Variants in IQCM observed in about 807,000 individuals in gnomAD.
IQCM encodes IQ motif containing M, also known as IQ domain-containing protein M.
IQCM carries 45 observed loss-of-function variants against 57.6 expected under a neutral mutation model. That is an observed-to-expected ratio of 0.78 (90% confidence interval 0.62 to 1.00). The LOEUF (loss-of-function observed/expected upper bound fraction) is 1.00, where lower values mean the gene tolerates loss of function less well. IQCM is among the 50% of genes least tolerant of loss of function. The pLI is 0.00. For missense variants in IQCM, 468 were observed against 511.6 expected (o/e 0.91, Z 0.82); for synonymous variants, 148 against 158.9 (o/e 0.93, Z 0.51).
At position 149,351,875 on chromosome 4, in the gene IQCM, T is replaced by C. The variant is rs1301829098; in HGVS notation, c.*76A>G. 2 of 397,470 alleles carry C rather than the reference T, an allele frequency of 5.0e-6. No homozygotes were observed. Among genetic ancestry groups the C allele is most frequent in the Non-Finnish European group, 8.9e-6 (2 of 225,500 alleles). 24.6% of individuals were successfully genotyped at this position (397,470 alleles called of 1,614,324 possible). A position where few individuals can be genotyped will look rare whatever the true frequency, so the allele number is the denominator to read the frequency against. Reference sequence around the variant, plus strand: ...TCCTTTCTTCCTACTCATACAGAATTGATCCACCTCCAGTGTTAACTTGTC... The same window carrying C: ...TCCTTTCTTCCTACTCATACAGAATCGATCCACCTCCAGTGTTAACTTGTC... On this transcript the variant is annotated 3_prime_UTR_variant, in exon 14 of 14. Transcript: ENST00000636793.
At chr4:149,483,161 T>C (rs1741098966) in intron 12 of IQCM, among the ~76,000 whole-genome samples, 1 of 151,934 alleles carries the variant, frequency 6.6e-6, no homozygotes, top group Non-Finnish European at 1.5e-5. Flanking sequence ...GCATCTTCTC[T>C]CTTTTTTGTA....
intron 7 of IQCM, among the ~76,000 whole-genome samples, chr4:149,676,545 C>G (rs1761766500): frequency 6.6e-6 from 1 of 152,070 alleles, no homozygotes; most frequent in Admixed American, 6.6e-5. Context: ...ATTATCCCCC[C>G]TCTACCCAAT....
intron 12 of IQCM, among the ~76,000 whole-genome samples, chr4:149,477,365 C>T (rs1226781079): frequency 6.6e-6 from 1 of 152,126 alleles, no homozygotes; most frequent in Non-Finnish European, 1.5e-5. Context: ...TTGTAAACAA[C>T]AGCTGATATG....
At chr4:149,750,959 G>A (rs1768381900) in intron 2 of IQCM, among the ~76,000 whole-genome samples, 1 of 152,068 alleles carries the variant, frequency 6.6e-6, no homozygotes, top group South Asian at 2.1e-4. Flanking sequence ...GCAAAATTCT[G>A]GCTTATATTT....
intron 12 of IQCM, among the ~76,000 whole-genome samples, chr4:149,521,647 A>G (rs771135415): frequency 2.1e-4 from 32 of 152,252 alleles, no homozygotes; most frequent in Non-Finnish European, 4.4e-4. Context: ...GCTATTACTT[A>G]AGTATCTAAC....
chr4:149,455,443 T>G (rs968230066), intron 12 of IQCM, among the ~76,000 whole-genome samples: 1 of 152,054 alleles, frequency 6.6e-6, no homozygotes, highest in Non-Finnish European at 1.5e-5. Context: ...CATATGACTG[T>G]TCATGTATTT....
chr4:149,454,384 G>T (rs1409188417), intron 12 of IQCM, among the ~76,000 whole-genome samples: 2 of 151,706 alleles, frequency 1.3e-5, no homozygotes, highest in East Asian at 3.9e-4. Flanking sequence ...ACCAAATATT[G>T]CATGTTGCTA....
chr4:149,433,011 A>G (rs1478639072), intron 13 of IQCM, among the ~76,000 whole-genome samples: 3 of 152,012 alleles, frequency 2.0e-5, no homozygotes, highest in African/African-American at 7.2e-5. Flanking sequence ...CAACTCTCAT[A>G]TCTCTGCAGT....
intron 12 of IQCM, among the ~76,000 whole-genome samples, chr4:149,540,221 A>G (rs1228374589): frequency 6.6e-6 from 1 of 150,802 alleles, no homozygotes; most frequent in Non-Finnish European, 1.5e-5. Flanking sequence ...ATCAGCCAAC[A>G]CCTTGATCTT....
intron 13 of IQCM, among the ~76,000 whole-genome samples, chr4:149,374,791 T>C (rs1344094033): frequency 6.6e-6 from 1 of 152,144 alleles, no homozygotes; most frequent in Admixed American, 6.6e-5. Flanking sequence ...CTGTGGTTAC[T>C]TGCTTTGCTG....
intron 2 of IQCM, among the ~76,000 whole-genome samples, chr4:149,778,237 G>A (rs1014672341): frequency 1.3e-5 from 2 of 152,118 alleles, no homozygotes; most frequent in African/African-American, 4.8e-5. Flanking sequence ...TTAGCCAGGC[G>A]TGGTCGCAGG....
chr4:149,354,380 A>AAAAAAAAAAAAAC (rs1728805238), intron 13 of IQCM, among the ~76,000 whole-genome samples: 1 of 131,348 alleles, frequency 7.6e-6, no homozygotes, highest in Non-Finnish European at 1.6e-5. Flanking sequence ...AAAAAAAAAA[A>AAAAAAAAAAAAAC]AAAAAAAAAC....
At chr4:149,762,645 A>G (rs1268873837) in intron 2 of IQCM, among the ~76,000 whole-genome samples, 1 of 152,092 alleles carries the variant, frequency 6.6e-6, no homozygotes, top group Non-Finnish European at 1.5e-5. Flanking sequence ...GAGCGAAATT[A>G]TATTTAATTT....
At chr4:149,696,362 A>G (rs904833192) in intron 5 of IQCM, among the ~76,000 whole-genome samples, 13 of 152,074 alleles carry the variant, frequency 8.5e-5, no homozygotes, top group Middle Eastern at 6.8e-3. Flanking sequence ...TCAATTGTCA[A>G]TCTCTTTTGC....
chr4:149,478,665 T>C (rs895866432), intron 12 of IQCM, among the ~76,000 whole-genome samples: 1 of 151,996 alleles, frequency 6.6e-6, no homozygotes, highest in African/African-American at 2.4e-5. Context: ...ACGCAGGAAA[T>C]AGCACTGTAG....
At chr4:149,551,622 G>A (rs946369165) in intron 11 of IQCM, among the ~76,000 whole-genome samples, 128 of 151,862 alleles carry the variant, frequency 8.4e-4, no homozygotes, top group Non-Finnish European at 2.9e-4. Flanking sequence ...AAGAAAATGT[G>A]GTCAGTGTAA....
chr4:149,595,417 C>G (rs963650133), intron 8 of IQCM, among the ~76,000 whole-genome samples: 1 of 151,888 alleles, frequency 6.6e-6, no homozygotes, highest in Non-Finnish European at 1.5e-5. Context: ...TCACATAATA[C>G]GAAATGTTTG....
Position 149,357,218 on chromosome 4 carries a change from C to T in IQCM, c.1391-5152G>A, listed in dbSNP as rs967987459. 1.9e-4 allele frequency among the ~76,000 whole-genome samples: 29 copies of T among 152,138 alleles called. 1 individual carries two copies. Among genetic ancestry groups the T allele is most frequent in the Admixed American group, 5.2e-4 (8 of 15,280 alleles). ...AGGGACAATTTGAGTTCCTCTTTTC[C>T]TAATTTAATGCTCTTTATTTCCTTC... On this transcript the variant is annotated intron_variant, in intron 13 of 13. Coordinates refer to ENST00000636793, the MANE Select transcript of IQCM (RefSeq NM_001363507.2).
intron 13 of IQCM, among the ~76,000 whole-genome samples, chr4:149,366,323 A>G (rs767843010): frequency 2.6e-5 from 4 of 151,978 alleles, no homozygotes; most frequent in Non-Finnish European, 5.9e-5. Context: ...ATAATGGCAA[A>G]ATATACTACT....
Sources: gnomAD v4.1 joint callset for allele counts (sites outside exome capture counted in the v4.1 genomes callset) on GRCh38, gnomAD v4.1.1 for gene constraint, MANE v1.5 for transcripts, NCBI Gene and HGNC (gene_info 2026-07-23, HGNC 2026-07-21) for gene names.